The following SLC36A4 variants were observed in gnomAD, a reference collection of about 807,000 sequenced individuals.
SLC36A4 encodes the protein solute carrier family 36 member 4.
A neutral mutation model predicts 50.5 loss-of-function variants in SLC36A4; 49 were observed. That is an observed-to-expected ratio of 0.97 (90% CI 0.77 to 1.23). The LOEUF is 1.23. Ranked by LOEUF, SLC36A4 falls within the 50% of genes most tolerant of loss-of-function variation. The pLI, the probability that SLC36A4 is intolerant of heterozygous loss-of-function variation, is 0.00. For missense variants in SLC36A4, 611 were observed against 608.4 expected (o/e 1.00, Z -0.05); for synonymous variants, 207 against 206.5 (o/e 1.00, Z -0.02).
At chr11:93,155,840 TC>T (rs1860333244) in intron 9 of SLC36A4, among the ~76,000 whole-genome samples, 2 of 152,102 alleles carry the variant, frequency 1.3e-5, no homozygotes, top group African/African-American at 4.8e-5. Context: ...GGTTTTCTGT[TC>T]CCATGTTAGT....
intron 1 of SLC36A4, chr11:93,192,914 G>A (rs968484886): frequency 6.6e-6 from 1 of 152,620 alleles, no homozygotes; most frequent in African/African-American, 2.4e-5. Context: ...GTTTTGTGAT[G>A]TCATCACAAA....
Position 93,146,648 on chromosome 11 carries a change from A to G in SLC36A4, c.*1889T>C, listed in dbSNP as rs1246169539. ...TTGAACTAAGTTAACATTTACATAT[A>G]AAAATAGAGAATATATACAACTATA... On this transcript the variant is annotated 3_prime_UTR_variant, in exon 11 of 11. Transcript: ENST00000326402. 6.6e-6 allele frequency: 1 copy of G among 152,106 alleles called. No homozygotes were observed. The highest frequency in any genetic ancestry group is 1.9e-4 in the East Asian group (1 of 5,188). 9.4% of individuals were successfully genotyped at this position (152,106 alleles called of 1,614,324 possible).
rs575646571 is a variant in SLC36A4, at chr11:93,182,977, A to C, written c.271-83T>G. 136 of 910,956 alleles carry C rather than the reference A, an allele frequency of 1.5e-4. 2 individuals carry two copies. The South Asian group carries it at 2.0e-3, about 13-fold the overall frequency. The allele number at this position is 910,956 out of a possible 1,614,324, so 56.4% of individuals were successfully genotyped here. On this transcript the variant is annotated intron_variant, in intron 3 of 10. Transcript: ENST00000326402. ...TAAGCAATGAATCAATGGATTATTC[A>C]CGTGCAGTGAATAAATATTTGTTGA...
At chr11:93,173,700 G>C (rs1289145412) in intron 6 of SLC36A4, among the ~76,000 whole-genome samples, 1 of 42,240 alleles carries the variant, frequency 2.4e-5, no homozygotes, top group South Asian at 1.0e-3. Flanking sequence ...TTATTAAATA[G>C]GGAATCCTTT....
intron 6 of SLC36A4, among the ~76,000 whole-genome samples, chr11:93,178,899 T>C (rs931962283): frequency 1.3e-5 from 2 of 152,176 alleles, no homozygotes; most frequent in Non-Finnish European, 2.9e-5. Flanking sequence ...AAAGAGGAAG[T>C]CAAACTGTCC....
At chr11:93,181,425 A>T (rs895964025) in intron 5 of SLC36A4, among the ~76,000 whole-genome samples, 8 of 152,064 alleles carry the variant, frequency 5.3e-5, no homozygotes, top group African/African-American at 1.9e-4. Context: ...TACTTCATCT[A>T]CCATAATGAT....
intron 9 of SLC36A4, among the ~76,000 whole-genome samples, chr11:93,156,885 T>C (rs1860390026): frequency 6.6e-6 from 1 of 152,204 alleles, no homozygotes; most frequent in Non-Finnish European, 1.5e-5. Flanking sequence ...TTTTCACTTT[T>C]GTTGCAATTG....
At chr11:93,163,185 C>A (rs1220611112) in intron 8 of SLC36A4, among the ~76,000 whole-genome samples, 1 of 151,818 alleles carries the variant, frequency 6.6e-6, no homozygotes. Flanking sequence ...TCCCATATAC[C>A]CCTCACCCAG....
chr11:93,156,745 G>A (rs1474927966), intron 9 of SLC36A4, among the ~76,000 whole-genome samples: 1 of 152,050 alleles, frequency 6.6e-6, no homozygotes, highest in Admixed American at 6.6e-5. Context: ...TTAAATGCTG[G>A]ATATTAGACC....
At chr11:93,161,715 G>C (rs1040813291) in intron 9 of SLC36A4, among the ~76,000 whole-genome samples, 1 of 152,166 alleles carries the variant, frequency 6.6e-6, no homozygotes, top group Non-Finnish European at 1.5e-5. Context: ...AATCCAAGTA[G>C]CTAAAGTAGT....
chr11:93,183,354 A>G (rs1227765681), intron 3 of SLC36A4, among the ~76,000 whole-genome samples: 1 of 152,214 alleles, frequency 6.6e-6, no homozygotes, highest in Non-Finnish European at 1.5e-5. Flanking sequence ...TAAAATAATT[A>G]TTTCAAAAAG....
rs138573173 is a variant in SLC36A4, at chr11:93,148,797, C to T, written c.1255G>A (p.Val419Ile). The T allele has an allele frequency of 1.9e-5, 31 of 1,612,528 alleles. No individual in the cohort carries two copies. The highest frequency in any genetic ancestry group is 9.4e-5 in the African/African-American group (7 of 74,772). The change falls in exon 11 of 11, where the codon GTT becomes ATT. Residue 419 changes from valine to isoleucine, a missense_variant. By Grantham distance (29) the Val-to-Ile change is conservative. Coordinates refer to ENST00000326402, the MANE Select transcript of SLC36A4 (RefSeq NM_152313.4). ...IPRLDIVISF[V>I]GAVSSSTLAL... The stretch of plus-strand genomic sequence containing the variant: ...AATGTGCTGCTGCTCACAGCTCCAA[C>T]GAAGGAAATCACAATGTCTAAACGA...
At chr11:93,162,325 T>C (rs1860653980) in intron 9 of SLC36A4, among the ~76,000 whole-genome samples, 1 of 152,172 alleles carries the variant, frequency 6.6e-6, no homozygotes, top group Admixed American at 6.5e-5. Context: ...TTTTTTGTTT[T>C]GAGACGGAGT....
chr11:93,148,949 TAATG>T (rs1164194697), intron 10 of SLC36A4, 105 bp from the exon 11 acceptor site: 61 of 1,120,144 alleles, frequency 5.4e-5, no homozygotes, highest in East Asian at 2.6e-4. Context: ...TAGAAATAAT[TAATG>T]AAAGTTGAAC....
Position 93,146,289 on chromosome 11 carries a change from A to T in SLC36A4, c.*2248T>A, listed in dbSNP as rs1429070281. 2 of 152,170 alleles carry T rather than the reference A, an allele frequency of 1.3e-5. No homozygotes were observed. The highest frequency in any genetic ancestry group is 4.8e-5 in the African/African-American group (2 of 41,582). 9.4% of individuals were successfully genotyped at this position (152,170 alleles called of 1,614,324 possible). A position where few individuals can be genotyped will look rare whatever the true frequency, so the allele number is the denominator to read the frequency against. ...TAGACTAGAAATATTATCTGAAAAC[A>T]GGTGACAAAAATCTAATGCTGCTTC... is the stretch of plus-strand genomic sequence containing the variant. On this transcript the variant is annotated 3_prime_UTR_variant, in exon 11 of 11. Transcript: ENST00000326402.
chr11:93,197,630 C>A (rs1214643550), intron 1 of SLC36A4, 148 bp downstream of exon 1: 3 of 837,804 alleles, frequency 3.6e-6, no homozygotes, highest in Non-Finnish European at 5.5e-6. Flanking sequence ...ATAACCGGTT[C>A]CTTTGCGGAT....
chr11:93,165,111 C>A (rs192783042), intron 8 of SLC36A4, among the ~76,000 whole-genome samples: 1 of 152,204 alleles, frequency 6.6e-6, no homozygotes, highest in African/African-American at 2.4e-5. Flanking sequence ...GGAGAATTCA[C>A]AGAGAGCAGA....
Position 93,148,258 on chromosome 11 carries a change from G to A in SLC36A4, c.*279C>T, listed in dbSNP as rs888730626. 3 of 255,986 alleles carry A rather than the reference G, an allele frequency of 1.2e-5. No homozygotes were observed. In the Admixed American group the frequency reaches 1.6e-4, roughly 14 times the overall value. 15.9% of individuals were successfully genotyped at this position (255,986 alleles called of 1,614,324 possible). ...TAAGGTATTTCTTACTGAGATAAAA[G>A]AATAATAGAAGTATTTTTATTCTTT... On this transcript the variant is annotated 3_prime_UTR_variant, in exon 11 of 11. Transcript: ENST00000326402.
rs564894719 is a variant in SLC36A4, at chr11:93,148,539, A to G, written c.1513T>C (p.Ter505GlnextTer1). Residue 505 changes from the stop codon to glutamine (Q), a stop_lost, in exon 11 of 11, where the codon TAG (stop) becomes CAG (glutamine). Transcript: ENST00000326402. ...GAAGACTCATGATTCTGCTTTTACTATTTCAAACCAGATGTTAAGCATGTT... is the reference window on the plus strand; with the variant it reads ...GAAGACTCATGATTCTGCTTTTACTGTTTCAAACCAGATGTTAAGCATGTT... ...NSTCLTSGLK[*>Q] The G allele has an allele frequency of 6.2e-7, 1 of 1,604,328 alleles. No individual in the cohort carries two copies. The highest frequency in any genetic ancestry group is 8.5e-7 in the Non-Finnish European group (1 of 1,177,264).
Sources: allele counts gnomAD v4.1 joint callset (sites outside exome capture counted in the v4.1 genomes callset), GRCh38; gene constraint gnomAD v4.1.1; transcripts MANE v1.5; gene names NCBI Gene and HGNC (gene_info 2026-07-23, HGNC 2026-07-21).